The following SORCS2 variants were observed in gnomAD, a reference collection of about 807,000 sequenced individuals.
SORCS2 encodes VPS10 domain-containing receptor SorCS2.
A neutral mutation model predicts 141.6 loss-of-function variants in SORCS2; 100 were observed. That is an observed-to-expected ratio of 0.71 (90% CI 0.60 to 0.83). SORCS2 has a LOEUF of 0.83. Ranked by LOEUF, SORCS2 falls within the 40% of genes least tolerant of loss-of-function variation. SORCS2 has a pLI of 0.00. For synonymous variants in SORCS2, 789 were observed against 676.9 expected, an observed-to-expected ratio of 1.17 and a Z score of -2.57; for missense variants, 1,646 against 1,560.2, an observed-to-expected ratio of 1.05 and a Z score of -0.93.
intron 1 of SORCS2, among the ~76,000 whole-genome samples, chr4:7,238,461 C>T (rs898918086): frequency 3.9e-5 from 6 of 152,188 alleles, no homozygotes; most frequent in African/African-American, 1.4e-4. Context: ...TGGCTGGTAG[C>T]AGCCTTAAGC....
intron 18 of SORCS2, among the ~76,000 whole-genome samples, chr4:7,719,532 C>G (rs1264175809): frequency 1.3e-5 from 2 of 152,200 alleles, no homozygotes; most frequent in Admixed American, 6.5e-5. Flanking sequence ...GCCCCTAGAC[C>G]TGAGCCGTTC....
At position 7,638,360 on chromosome 4, in the gene SORCS2, G is replaced by A. The variant is rs1191860508; in HGVS notation, c.681G>A (p.Arg227=). Residue 227 remains arginine, a synonymous_variant, in exon 4 of 27, where the codon CGG becomes CGA. Transcript: ENST00000507866. ...TTGTCAGCTCCTCACTCAGTGACCG[G>A]GACCAGAGCCTATTCCTCAGCGCAG... ...VILVSSSLSD[R]DQSLFLSADE... 3 of 1,533,564 alleles carry A rather than the reference G, an allele frequency of 2.0e-6. No individual in the cohort carries two copies. Among genetic ancestry groups the A allele is most frequent in the Admixed American group, 2.2e-5 (1 of 46,422 alleles). The allele number at this position is 1,533,564 out of a possible 1,614,324, so 95.0% of individuals were successfully genotyped here.
chr4:7,274,182 C>T (rs538282682), intron 1 of SORCS2, among the ~76,000 whole-genome samples: 22 of 152,292 alleles, frequency 1.4e-4, no homozygotes, highest in Non-Finnish European at 2.6e-4. Flanking sequence ...GCTGGACAGA[C>T]GTTAGACTGG....
intron 1 of SORCS2, among the ~76,000 whole-genome samples, chr4:7,373,291 T>C (rs1035344858): frequency 4.6e-5 from 7 of 151,240 alleles, no homozygotes; most frequent in African/African-American, 1.7e-4. Flanking sequence ...TGTAGTGACA[T>C]TGCATTGTGA....
intron 1 of SORCS2, among the ~76,000 whole-genome samples, chr4:7,266,886 G>T (rs867776526): frequency 6.6e-6 from 1 of 152,136 alleles, no homozygotes; most frequent in Middle Eastern, 3.4e-3. Context: ...CTGTCGCCAC[G>T]CCATAACTGC....
chr4:7,585,290 G>A (rs543260793), intron 3 of SORCS2, among the ~76,000 whole-genome samples: 20 of 152,286 alleles, frequency 1.3e-4, no homozygotes, highest in South Asian at 2.1e-4. Flanking sequence ...GCTCTAGTGC[G>A]GCCTGCATTC....
chr4:7,343,031 G>A (rs1311977434), intron 1 of SORCS2, among the ~76,000 whole-genome samples: 1 of 152,230 alleles, frequency 6.6e-6, no homozygotes, highest in African/African-American at 2.4e-5. Flanking sequence ...GGGTGGAAAA[G>A]GGGACAGAGC....
At chr4:7,339,304 AG>A (rs1720224080) in intron 1 of SORCS2, among the ~76,000 whole-genome samples, 1 of 152,238 alleles carries the variant, frequency 6.6e-6, no homozygotes, top group Non-Finnish European at 1.5e-5. Context: ...GCTTGATCCA[AG>A]GATGTGCACA....
At chr4:7,594,155 G>T (rs1459921614) in intron 3 of SORCS2, among the ~76,000 whole-genome samples, 1 of 152,208 alleles carries the variant, frequency 6.6e-6, no homozygotes, top group Non-Finnish European at 1.5e-5. Context: ...TAGGCTGTCA[G>T]GGCGAGAGCT....
At chr4:7,666,798 G>A (rs1052362255) in intron 7 of SORCS2, among the ~76,000 whole-genome samples, 2 of 152,116 alleles carry the variant, frequency 1.3e-5, no homozygotes, top group African/African-American at 2.4e-5. Flanking sequence ...CTTTGGTAAC[G>A]AGCGCATCTT....
chr4:7,378,889 C>G (rs984908661), intron 1 of SORCS2, among the ~76,000 whole-genome samples: 1 of 152,196 alleles, frequency 6.6e-6, no homozygotes, highest in Non-Finnish European at 1.5e-5. Context: ...CTCTTCTTGC[C>G]CTATTGGCCA....
At chr4:7,547,398 C>A (rs1252358651) in intron 3 of SORCS2, among the ~76,000 whole-genome samples, 1 of 152,232 alleles carries the variant, frequency 6.6e-6, no homozygotes, top group Non-Finnish European at 1.5e-5. Context: ...ATACTTGGAG[C>A]CTTTTGCCAG....
intron 1 of SORCS2, among the ~76,000 whole-genome samples, chr4:7,277,217 G>A (rs1715559765): frequency 6.6e-6 from 1 of 152,186 alleles, no homozygotes; most frequent in Admixed American, 6.5e-5. Flanking sequence ...GCAGGGGCTT[G>A]TGGAGTGGGA....
At chr4:7,381,409 T>TA (rs374936260) in intron 1 of SORCS2, among the ~76,000 whole-genome samples, 128 of 152,306 alleles carry the variant, frequency 8.4e-4, no homozygotes, top group African/African-American at 2.8e-3. Context: ...CACGCAGTGT[T>TA]AGAGGCCAGC....
chr4:7,587,700 G>C (rs548689419), intron 3 of SORCS2, among the ~76,000 whole-genome samples: 176 of 152,130 alleles, frequency 1.2e-3, no homozygotes, highest in Non-Finnish European at 2.0e-3. Context: ...CTGCAGGCTG[G>C]GCCCAGGCGT....
intron 1 of SORCS2, among the ~76,000 whole-genome samples, chr4:7,291,086 G>T (rs1043910085): frequency 6.6e-6 from 1 of 152,106 alleles, no homozygotes; most frequent in Non-Finnish European, 1.5e-5. Context: ...CATGGAGCAG[G>T]GGGGACAGCA....
intron 1 of SORCS2, among the ~76,000 whole-genome samples, chr4:7,211,787 G>T (rs968493007): frequency 1.3e-5 from 2 of 152,148 alleles, no homozygotes; most frequent in Non-Finnish European, 2.9e-5. Flanking sequence ...AGGGGTTGGG[G>T]GCTCCCATGA....
At chr4:7,322,337 T>G (rs1035608576) in intron 1 of SORCS2, among the ~76,000 whole-genome samples, 10 of 152,174 alleles carry the variant, frequency 6.6e-5, no homozygotes, top group African/African-American at 2.4e-4. Flanking sequence ...GGCATGCAGC[T>G]GCTGTCTCTG....
At chr4:7,366,192 G>C (rs1414354003) in intron 1 of SORCS2, among the ~76,000 whole-genome samples, 1 of 152,108 alleles carries the variant, frequency 6.6e-6, no homozygotes, top group Non-Finnish European at 1.5e-5. Context: ...AGGAAGGAGA[G>C]GCTGGGATCC....
Sources: allele counts gnomAD v4.1 joint callset (sites outside exome capture counted in the v4.1 genomes callset), GRCh38; gene constraint gnomAD v4.1.1; transcripts MANE v1.5; gene names NCBI Gene and HGNC (gene_info 2026-07-23, HGNC 2026-07-21).